UNC5C: variants seen among roughly 807,000 people sequenced by gnomAD.
The protein encoded by UNC5C is netrin receptor UNC5C.
Under a neutral mutation model 99.8 loss-of-function variants are expected in UNC5C, and 47 were observed. That is an observed-to-expected ratio of 0.47 (90% CI 0.37 to 0.60). The LOEUF is 0.60. Among genes scored for constraint, UNC5C ranks in the 20% least tolerant of loss-of-function variants. The pLI, the probability that UNC5C is intolerant of heterozygous loss-of-function variation, is 0.00. For synonymous variants in UNC5C, 487 were observed against 452.2 expected (o/e 1.08, Z -0.98); for missense variants, 1,062 against 1,165.9 (o/e 0.91, Z 1.30).
chr4:95,349,744 A>G (rs1743915452), intron 1 of UNC5C, among the ~76,000 whole-genome samples: 1 of 152,016 alleles, frequency 6.6e-6, no homozygotes, highest in Non-Finnish European at 1.5e-5. Context: ...TTTATAGACC[A>G]TGGTACTTGT....
intron 4 of UNC5C, among the ~76,000 whole-genome samples, chr4:95,261,019 G>A (rs1740202014): frequency 6.6e-6 from 1 of 152,174 alleles, no homozygotes; most frequent in Admixed American, 6.5e-5. Flanking sequence ...GAAAGGAGCA[G>A]AGATCCAAAT....
Position 95,182,934 on chromosome 4 carries a change from T to A in UNC5C, c.2414A>T (p.Glu805Val). 1.2e-6 allele frequency: 2 copies of A among 1,613,856 alleles called. No individual in the cohort carries two copies. The highest frequency in any genetic ancestry group is 1.7e-6 in the Non-Finnish European group (2 of 1,179,852). Reference sequence around the variant, plus strand: ...GCAGTTGAGCTGGAAGATCTGCCCTTCTCCTTCCACCTGCCGCACACAGAG... The same window carrying A: ...GCAGTTGAGCTGGAAGATCTGCCCTACTCCTTCCACCTGCCGCACACAGAG... ...CKLCVRQVEGEGQIFQLNCTV... is the reference protein window; with the variant it reads ...CKLCVRQVEGVGQIFQLNCTV... The change falls in exon 14 of 16, where the codon GAA becomes GTA. Residue 805 changes from glutamate to valine, a missense_variant. Physicochemically the swap from Glu to Val is moderately radical, Grantham distance 121 (BLOSUM62 -2). Around this residue, in one of 3 missense-constraint regions of UNC5C, gnomAD observed 810 missense variants for 854.5 expected, o/e 0.95. Transcript: ENST00000453304.
chr4:95,264,246 G>A (rs1243561558), intron 4 of UNC5C, among the ~76,000 whole-genome samples: 1 of 152,066 alleles, frequency 6.6e-6, no homozygotes, highest in Non-Finnish European at 1.5e-5. Flanking sequence ...TAGCAACTAG[G>A]AAAAAGGAGA....
chr4:95,475,306 C>A (rs1409149616), intron 1 of UNC5C, among the ~76,000 whole-genome samples: 3 of 151,952 alleles, frequency 2.0e-5, no homozygotes, highest in African/African-American at 7.2e-5. Context: ...GAATCCAAGA[C>A]CCATTTTGGG....
intron 1 of UNC5C, among the ~76,000 whole-genome samples, chr4:95,345,561 C>T (rs1743740962): frequency 6.6e-6 from 1 of 151,964 alleles, no homozygotes; most frequent in African/African-American, 2.4e-5. Context: ...GCACATTCTT[C>T]TCTTCAGCAC....
At chr4:95,427,603 T>C (rs957768514) in intron 1 of UNC5C, among the ~76,000 whole-genome samples, 31 of 152,226 alleles carry the variant, frequency 2.0e-4, no homozygotes, top group Non-Finnish European at 3.8e-4. Flanking sequence ...AACATCTTTC[T>C]AGCAATAAAG....
intron 1 of UNC5C, among the ~76,000 whole-genome samples, chr4:95,385,256 T>C (rs9998018): frequency 0.34 from 51,059 of 152,040 alleles, 8,891 homozygotes; most frequent in Middle Eastern, 0.42. Context: ...TTTGTTCCTA[T>C]TGTGTCGATG....
At chr4:95,485,882 C>T (rs1025333187) in intron 1 of UNC5C, among the ~76,000 whole-genome samples, 1 of 151,550 alleles carries the variant, frequency 6.6e-6, no homozygotes, top group African/African-American at 2.4e-5. Flanking sequence ...ATCCACAGGT[C>T]CAACCACGCA....
chr4:95,510,062 C>T lies in UNC5C; in HGVS notation c.124+38672G>A, dbSNP rs560139767. 2.0e-5 allele frequency among the ~76,000 whole-genome samples: 3 copies of T among 151,982 alleles called. No homozygotes were observed. In the South Asian group the frequency reaches 6.2e-4, roughly 31 times the overall value. On this transcript the variant is annotated intron_variant, in intron 1 of 15. Transcript: ENST00000453304. ...AGAAATTGGAAGTATAACTAAAAAA[C>T]AATAATATATGGCTTAAAATATCAA...
At position 95,220,026 on chromosome 4, in the gene UNC5C, T is replaced by A. The variant is rs753021614; in HGVS notation, c.1259A>T (p.Asn420Ile). ...ESDIIDSSALNGGFQPVNIKA... is the reference protein window; with the variant it reads ...ESDIIDSSALIGGFQPVNIKA... ...GATGTTCACAGGCTGAAAGCCCCCA[T>A]TGAGTGCCGAAGAGTCAATAATATC... Residue 420 changes from asparagine to isoleucine, a missense_variant, in exon 8 of 16, where the codon AAT (asparagine) becomes ATT (isoleucine). Transcript: ENST00000453304. 2 of 1,613,952 alleles carry A rather than the reference T, an allele frequency of 1.2e-6. No individual in the cohort carries two copies. The highest frequency in any genetic ancestry group is 3.3e-5 in the Admixed American group (2 of 59,994).
At chr4:95,490,906 A>C (rs1004100842) in intron 1 of UNC5C, among the ~76,000 whole-genome samples, 3 of 151,732 alleles carry the variant, frequency 2.0e-5, no homozygotes, top group Admixed American at 2.0e-4. Context: ...TTAGAATATA[A>C]TTGATTTCTT....
At chr4:95,451,650 TGA>T (rs1747281864) in intron 1 of UNC5C, among the ~76,000 whole-genome samples, 1 of 152,182 alleles carries the variant, frequency 6.6e-6, no homozygotes, top group Non-Finnish European at 1.5e-5. Context: ...TTGTTTTGTC[TGA>T]GATCAGATTG....
intron 7 of UNC5C, among the ~76,000 whole-genome samples, chr4:95,229,616 G>A (rs72881231): frequency 0.052 from 7,924 of 152,002 alleles, 693 homozygotes; most frequent in African/African-American, 0.18. Context: ...ATAGTAGAAC[G>A]ATTTATAATC....
At chr4:95,309,331 A>G (rs1025145245) in intron 2 of UNC5C, among the ~76,000 whole-genome samples, 19 of 152,148 alleles carry the variant, frequency 1.2e-4, no homozygotes, top group Admixed American at 1.2e-3. Flanking sequence ...TAAAACCGCT[A>G]GAAAAAAACA....
At chr4:95,471,650 C>T (rs1250489369) in intron 1 of UNC5C, among the ~76,000 whole-genome samples, 1 of 152,030 alleles carries the variant, frequency 6.6e-6, no homozygotes, top group Non-Finnish European at 1.5e-5. Flanking sequence ...ACACAGTTTG[C>T]TTTTCTATAT....
rs1253761722 is a variant in UNC5C, at chr4:95,268,777, G to A, written c.594+9482C>T. Among the ~76,000 whole-genome samples, 6 of 152,288 alleles carry A rather than the reference G, an allele frequency of 3.9e-5. No individual in the cohort carries two copies. The East Asian group carries it at 5.8e-4, about 15-fold the overall frequency. ...GCAAGCATTAGCTAGAAAACTCCAC[G>A]TCTATCAGAAAGGTTACTCTGTTAA... On this transcript the variant is annotated intron_variant, in intron 4 of 15. Coordinates refer to ENST00000453304, the MANE Select transcript of UNC5C (RefSeq NM_003728.4).
chr4:95,187,837 C>T (rs757779958), intron 12 of UNC5C, among the ~76,000 whole-genome samples: 4 of 152,054 alleles, frequency 2.6e-5, no homozygotes, highest in African/African-American at 9.7e-5. Context: ...AGCTGCAGCA[C>T]AGGGCTGGAA....
chr4:95,403,580 C>T (rs192800560), intron 1 of UNC5C, among the ~76,000 whole-genome samples: 8 of 152,282 alleles, frequency 5.3e-5, no homozygotes, highest in Non-Finnish European at 8.8e-5. Context: ...AAATATAATA[C>T]CTTTATTATT....
In UNC5C at chr4:95,271,380, A is replaced by C. The variant is rs182046942; in HGVS notation, c.594+6879T>G. 9.5e-4 allele frequency among the ~76,000 whole-genome samples: 143 copies of C among 150,866 alleles called. 3 individuals carry two copies. In the East Asian group the frequency reaches 0.022, roughly 23 times the overall value. On this transcript the variant is annotated intron_variant, in intron 4 of 15. Transcript: ENST00000453304. ...GTAGCTGGGACTACAGGCGCCCGCC[A>C]CCACGCCCGGCTAATTTTTTTGTGT...
Sources: gnomAD v4.1 joint callset for allele counts (sites outside exome capture counted in the v4.1 genomes callset) on GRCh38, gnomAD v4.1.1 for gene constraint, gnomAD v4.1.1 regional missense constraint, MANE v1.5 for transcripts, NCBI Gene and HGNC (gene_info 2026-07-23, HGNC 2026-07-21) for gene names.